Variants in MAP3K2 observed in about 807,000 individuals in gnomAD.
The protein encoded by MAP3K2 is MAP/ERK kinase kinase 2.
Under a neutral mutation model 80.3 loss-of-function variants are expected in MAP3K2, and 24 were observed. That is an observed-to-expected ratio of 0.30 (90% CI 0.22 to 0.42). The LOEUF is 0.42. MAP3K2 is among the 10% of genes least tolerant of loss of function. MAP3K2 has a pLI of 1.00. For synonymous variants in MAP3K2, 244 were observed against 253.7 expected (o/e 0.96, Z 0.36); for missense variants, 608 against 750.1 (o/e 0.81, Z 2.21).
chr2:127,327,704 T>G (rs1035549919), intron 7 of MAP3K2, among the ~76,000 whole-genome samples: 1 of 152,090 alleles, frequency 6.6e-6, no homozygotes. Context: ...TTCCTCCATC[T>G]CCCTTTTATA....
intron 1 of MAP3K2, among the ~76,000 whole-genome samples, chr2:127,354,090 G>A (rs1686755228): frequency 6.6e-6 from 1 of 151,834 alleles, no homozygotes; most frequent in Non-Finnish European, 1.5e-5. Context: ...CAAGTACCCA[G>A]GGACACAAAC....
At chr2:127,369,483 A>C (rs1312052017) in intron 1 of MAP3K2, among the ~76,000 whole-genome samples, 2 of 148,394 alleles carry the variant, frequency 1.3e-5, no homozygotes, top group Non-Finnish European at 3.0e-5. Flanking sequence ...AAAAAAAAAA[A>C]AAAAAAAAAA....
chr2:127,330,176 T>G (rs1372870254), intron 6 of MAP3K2, among the ~76,000 whole-genome samples, 168 bp from the exon 7 acceptor site: 1 of 152,212 alleles, frequency 6.6e-6, no homozygotes, highest in Non-Finnish European at 1.5e-5. Flanking sequence ...CAGTTTCTAT[T>G]AGCTTCGTAT....
intron 5 of MAP3K2, among the ~76,000 whole-genome samples, chr2:127,333,875 G>A (rs918750871): frequency 1.3e-5 from 2 of 151,956 alleles, no homozygotes; most frequent in African/African-American, 2.4e-5. Flanking sequence ...AAGGCAGGTG[G>A]ATCATCTGAG....
Position 127,323,943 on chromosome 2 carries a change from C to G in MAP3K2, c.797G>C (p.Arg266Thr), listed in dbSNP as rs1558976737. Residue 266 changes from arginine (R) to threonine (T), a missense_variant, in exon 11 of 17, where the codon AGA (arginine) becomes ACA (threonine). Arg to Thr is a moderately conservative substitution (Grantham distance 71). Coordinates refer to ENST00000682094, the MANE Select transcript of MAP3K2 (RefSeq NM_001371910.2). Reference protein sequence around the residue: ...EKFGKGGTYPRRYHVSYHHQE... With the variant: ...EKFGKGGTYPTRYHVSYHHQE... ...ATGATGATATGAAACATGATACCTT[C>G]TTGGATATGTTCCTCCTTTTCCAAA... 6.4e-7 allele frequency: 1 copy of G among 1,570,478 alleles called. No individual in the cohort carries two copies. The highest frequency in any genetic ancestry group is 1.4e-5 in the African/African-American group (1 of 73,932).
At chr2:127,349,444 G>C (rs951722586) in intron 1 of MAP3K2, among the ~76,000 whole-genome samples, 3 of 152,070 alleles carry the variant, frequency 2.0e-5, no homozygotes, top group African/African-American at 2.4e-5. Flanking sequence ...GGGATTACAG[G>C]CCATCCAGCC....
chr2:127,329,993 G>T lies in MAP3K2; in HGVS notation c.394C>A (p.Pro132Thr), dbSNP rs775766271. The change falls in exon 7 of 17, where the codon CCA (proline) becomes ACA (threonine). Residue 132 changes from proline (P) to threonine (T), a missense_variant. Physicochemically the swap from Pro to Thr is conservative, Grantham distance 38. This residue lies in a region of MAP3K2 where 467 missense variants were observed against 521.9 expected (regional missense o/e 0.89). Transcript: ENST00000682094. ...TCCAAATCTTCTAGTGATGGCAATG[G>T]TTCTAAATTAGTAGCCTACAAAGGA... is the stretch of plus-strand genomic sequence containing the variant. Reference protein sequence around the residue: ...NGSTQATNLEPLPSLEDLDNT... With the variant: ...NGSTQATNLETLPSLEDLDNT... 6.7e-5 allele frequency: 107 copies of T among 1,606,144 alleles called. 1 individual carries two copies. Among genetic ancestry groups the T allele is most frequent in the Non-Finnish European group, 8.7e-5 (102 of 1,173,650 alleles).
rs1329565631 is a variant in MAP3K2 at position 127,303,041 on chromosome 2, T to C, written c.*4538A>G. 4 of 152,104 alleles carry C rather than the reference T, an allele frequency of 2.6e-5. No individual in the cohort carries two copies. Among genetic ancestry groups the C allele is most frequent in the African/African-American group, 4.8e-5 (2 of 41,424 alleles). 9.4% of individuals were successfully genotyped at this position (152,104 alleles called of 1,614,324 possible). On this transcript the variant is annotated 3_prime_UTR_variant, in exon 17 of 17. Coordinates refer to ENST00000682094, the MANE Select transcript of MAP3K2 (RefSeq NM_001371910.2). ...CATTTTGGTGGGTAACTTGAATTAT[T>C]AATATAAAATAAAATTAAGGCATAC...
At position 127,363,446 on chromosome 2, in the gene MAP3K2, T is replaced by C. The variant is rs933195214; in HGVS notation, c.-65-20252A>G. On this transcript the variant is annotated intron_variant, in intron 1 of 16. Coordinates refer to ENST00000682094, the MANE Select transcript of MAP3K2 (RefSeq NM_001371910.2). ...AGGCTTCAGTCAAAATCAGTTCATA[T>C]TGAACAACATATTAATATTTTGCTG... Among the ~76,000 whole-genome samples the C allele has an allele frequency of 2.0e-5, 3 of 152,232 alleles. No individual in the cohort carries two copies. The South Asian group carries it at 6.2e-4, about 32-fold the overall frequency.
intron 12 of MAP3K2, among the ~76,000 whole-genome samples, chr2:127,320,537 A>G (rs1202512282): frequency 6.6e-6 from 1 of 152,176 alleles, no homozygotes; most frequent in Admixed American, 6.5e-5. Flanking sequence ...CCCAAAAGAA[A>G]AAGGAAGAAT....
intron 1 of MAP3K2, among the ~76,000 whole-genome samples, chr2:127,375,473 G>A (rs938403713): frequency 3.3e-5 from 5 of 150,886 alleles, no homozygotes; most frequent in Non-Finnish European, 7.4e-5. Flanking sequence ...GCAGTGGTGC[G>A]ATCTGGGCTC....
rs75221579 is a variant in MAP3K2, at chr2:127,355,828, G to C, written c.-65-12634C>G. On this transcript the variant is annotated intron_variant, in intron 1 of 16. Transcript: ENST00000682094. ...CACCATAGAACTTTTTCCAAAATAG[G>C]AATCAAGCCTCCCAAACCCTTCATC... Among the ~76,000 whole-genome samples the C allele has an allele frequency of 5.3e-4, 80 of 152,194 alleles. 1 individual carries two copies. The highest frequency in any genetic ancestry group is 1.8e-3 in the African/African-American group (76 of 41,480).
chr2:127,318,518 A>G (rs916972179), intron 12 of MAP3K2, among the ~76,000 whole-genome samples: 1 of 152,230 alleles, frequency 6.6e-6, no homozygotes, highest in African/African-American at 2.4e-5. Context: ...TAAATCAAAA[A>G]GAGATTCATA....
chr2:127,354,544 C>T (rs551579153), intron 1 of MAP3K2, among the ~76,000 whole-genome samples: 1 of 152,068 alleles, frequency 6.6e-6, no homozygotes, highest in Non-Finnish European at 1.5e-5. Flanking sequence ...GGTGTGGTCT[C>T]AAAAGTAGAG....
intron 1 of MAP3K2, among the ~76,000 whole-genome samples, chr2:127,366,721 T>A (rs974355299): frequency 1.3e-5 from 2 of 152,140 alleles, no homozygotes; most frequent in Non-Finnish European, 2.9e-5. Flanking sequence ...ACTCCCTACC[T>A]TTTTGGCTAA....
Position 127,352,556 on chromosome 2 carries a change from C to T in MAP3K2, c.-65-9362G>A, listed in dbSNP as rs1686709608. 2.0e-5 allele frequency among the ~76,000 whole-genome samples: 3 copies of T among 152,182 alleles called. No homozygotes were observed. In the South Asian group the frequency reaches 6.2e-4, roughly 31 times the overall value. ...TATAAACTAACCCTCAAATCTGTAT[C>T]TCCAATCTAGACAGAGCTAAGCTTC... is the stretch of plus-strand genomic sequence containing the variant. On this transcript the variant is annotated intron_variant, in intron 1 of 16. Coordinates refer to ENST00000682094, the MANE Select transcript of MAP3K2 (RefSeq NM_001371910.2).
intron 7 of MAP3K2, among the ~76,000 whole-genome samples, chr2:127,328,514 C>G (rs1209523091): frequency 6.6e-6 from 1 of 152,208 alleles, no homozygotes; most frequent in East Asian, 1.9e-4. Context: ...TTACTGGTCT[C>G]AGGTTCATCA....
chr2:127,343,653 C>T (rs1032023158), intron 1 of MAP3K2, among the ~76,000 whole-genome samples: 10 of 151,708 alleles, frequency 6.6e-5, no homozygotes, highest in Non-Finnish European at 1.0e-4. Flanking sequence ...GCTGGGTATA[C>T]AATATATAAT....
In MAP3K2 at chr2:127,310,062, T is replaced by C. The variant is rs1208228270; in HGVS notation, c.1457-1300A>G. ...CCTCTCCCACATATTTATTAAATCA[T>C]TCATTTGCATCACTATGAACATGGA... is the stretch of plus-strand genomic sequence containing the variant. On this transcript the variant is annotated intron_variant, in intron 15 of 16. Coordinates refer to ENST00000682094, the MANE Select transcript of MAP3K2 (RefSeq NM_001371910.2). The surrounding 1 kb of genome is among the most constrained non-coding windows in gnomAD (Gnocchi z 4.8). Among the ~76,000 whole-genome samples, 1 of 152,210 alleles carries C rather than the reference T, an allele frequency of 6.6e-6. No homozygotes were observed.
Sources: gnomAD v4.1 joint callset for allele counts (sites outside exome capture counted in the v4.1 genomes callset) on GRCh38, gnomAD v4.1.1 for gene constraint, gnomAD v4.1.1 regional missense constraint, Gnocchi (gnomAD v3.1) non-coding constraint, MANE v1.5 for transcripts, NCBI Gene and HGNC (gene_info 2026-07-23, HGNC 2026-07-21) for gene names.